Variants in MX2 observed in about 807,000 individuals in gnomAD.
MX2 encodes MX dynamin like GTPase 2.
A neutral mutation model predicts 74.0 loss-of-function variants in MX2; 51 were observed. The ratio of observed to expected loss-of-function variants is 0.69; its 90% CI spans 0.55 to 0.87. MX2 has a LOEUF of 0.87. MX2 is among the 40% of genes least tolerant of loss of function. The pLI, the probability that MX2 is intolerant of heterozygous loss-of-function variation, is 0.00. For missense variants in MX2, 832 were observed against 908.7 expected (o/e 0.92, Z 1.09); for synonymous variants, 369 against 339.3 (o/e 1.09, Z -0.96).
chr21:41,396,323 C>A (rs1174190467), intron 7 of MX2, among the ~76,000 whole-genome samples: 1 of 152,184 alleles, frequency 6.6e-6, no homozygotes, highest in East Asian at 1.9e-4. Context: ...TAATAACTGG[C>A]TTTATTAAAT....
chr21:41,365,587 T>G (rs2089258403), intron 1 of MX2: 1 of 152,232 alleles, frequency 6.6e-6, no homozygotes, highest in Non-Finnish European at 1.5e-5. Flanking sequence ...TGCATAGTAT[T>G]CCATAGTGTA....
In MX2 at chr21:41,399,356, T is replaced by C; in HGVS notation, c.1414+19T>C. The C allele has an allele frequency of 1.2e-6, 2 of 1,610,954 alleles. No homozygotes were observed. Among genetic ancestry groups the C allele is most frequent in the African/African-American group, 2.7e-5 (2 of 74,812 alleles). On this transcript the variant is annotated intron_variant, in intron 10 of 13. Coordinates refer to ENST00000330714, the MANE Select transcript of MX2 (RefSeq NM_002463.2). ...CAAAAAGGTAAGTTCTGGGCAGGGC[T>C]CCCTGCAAAACAGGGTGGTATTTAC...
At position 41,403,625 on chromosome 21, in the gene MX2, G is replaced by A. The variant is rs546041677; in HGVS notation, c.1650+282G>A. 2.0e-4 allele frequency: 137 copies of A among 673,282 alleles called. No individual in the cohort carries two copies. The Admixed American group carries it at 2.1e-3, about 10-fold the overall frequency. The allele number at this position is 673,282 out of a possible 1,614,324, so 41.7% of individuals were successfully genotyped here. On this transcript the variant is annotated intron_variant, in intron 12 of 13. Coordinates refer to ENST00000330714, the MANE Select transcript of MX2 (RefSeq NM_002463.2). The stretch of plus-strand genomic sequence containing the variant: ...CTTACGCAGGATGTGGGGCTCCACC[G>A]AGGACTGGCTGGTAGGCTGAATCTT...
intron 6 of MX2, among the ~76,000 whole-genome samples, chr21:41,394,367 C>T (rs531854601): frequency 2.2e-4 from 33 of 152,254 alleles, no homozygotes; most frequent in African/African-American, 7.7e-4. Flanking sequence ...CTCCTTCTCC[C>T]TCCCCACTAG....
chr21:41,400,695 GCCAAACA>G (rs1219040789), intron 10 of MX2, among the ~76,000 whole-genome samples: 28 of 113,358 alleles, frequency 2.5e-4, no homozygotes, highest in African/African-American at 6.9e-4. Context: ...AGGAAGAGCT[GCCAAACA>G]CTTTATTTAT....
intron 12 of MX2, among the ~76,000 whole-genome samples, chr21:41,405,309 C>T (rs2089870836): frequency 6.6e-6 from 1 of 151,968 alleles, no homozygotes; most frequent in Non-Finnish European, 1.5e-5. Context: ...ACATGACAGT[C>T]TTAGTTCAAG....
intron 6 of MX2, 77 bp downstream of exon 6, chr21:41,390,780 C>A (rs1027922612): frequency 7.3e-6 from 11 of 1,508,136 alleles, no homozygotes; most frequent in Non-Finnish European, 9.1e-6. Flanking sequence ...CCAAGACGGG[C>A]GGATCACGAG....
At chr21:41,399,165 G>A (rs370472968) in intron 9 of MX2, 31 bp from the exon 10 acceptor site, 112 of 1,608,978 alleles carry the variant, frequency 7.0e-5, no homozygotes, top group Non-Finnish European at 8.5e-5. Context: ...TATGATTTCC[G>A]CAAAGACTAT....
In MX2 at chr21:41,402,167, C is replaced by T. The variant is rs747218470; in HGVS notation, c.1573+39C>T. ...AGCAGGACTCCCAAACCATCACTCT[C>T]ATACCTTCCATAGACCCCAGTGCCT... On this transcript the variant is annotated intron_variant, in intron 11 of 13. Coordinates refer to ENST00000330714, the MANE Select transcript of MX2 (RefSeq NM_002463.2). This position sits in a 1 kb window ranked among gnomAD's most constrained non-coding sequence, Gnocchi z 4.5. 1 of 1,586,706 alleles carries T rather than the reference C, an allele frequency of 6.3e-7. No individual in the cohort carries two copies. The highest frequency in any genetic ancestry group is 8.6e-7 in the Non-Finnish European group (1 of 1,167,136).
chr21:41,378,888 C>T (rs1017037211), intron 3 of MX2, among the ~76,000 whole-genome samples: 1 of 152,194 alleles, frequency 6.6e-6, no homozygotes, highest in Non-Finnish European at 1.5e-5. Context: ...TGGCTCCCCT[C>T]TCCTGCCACT....
At chr21:41,387,539 C>A (rs2089596552) in intron 5 of MX2, among the ~76,000 whole-genome samples, 1 of 152,144 alleles carries the variant, frequency 6.6e-6, no homozygotes, top group African/African-American at 2.4e-5. Flanking sequence ...CTGGTTCTTT[C>A]TCTCCCTCCT....
chr21:41,372,440 A>G (rs1370088630), intron 1 of MX2, among the ~76,000 whole-genome samples: 1 of 152,232 alleles, frequency 6.6e-6, no homozygotes, highest in Non-Finnish European at 1.5e-5. Flanking sequence ...TTATGAGTCA[A>G]TTATAAATGG....
chr21:41,395,637 A>G lies in MX2; in HGVS notation c.922A>G (p.Met308Val), dbSNP rs758923695. 18 of 1,614,104 alleles carry G rather than the reference A, an allele frequency of 1.1e-5. No homozygotes were observed. The Admixed American group carries it at 3.0e-4, about 27-fold the overall frequency. Residue 308 changes from methionine (M) to valine (V), a missense_variant, in exon 7 of 14, where the codon ATG becomes GTG. Coordinates refer to ENST00000330714, the MANE Select transcript of MX2 (RefSeq NM_002463.2). The part of the protein sequence containing the change: ...LMDRGTEKSV[M>V]NVVRNLTYPL... ...GGACAGGGGCACTGAGAAAAGCGTC[A>G]TGAATGTGGTGCGGAACCTCACGTA...
At chr21:41,407,961 C>G in intron 13 of MX2, 30 bp from the exon 14 acceptor site, 8 of 1,613,032 alleles carry the variant, frequency 5.0e-6, no homozygotes, top group South Asian at 1.1e-5. Context: ...TGAGACCACT[C>G]CAGCAAACCC....
rs144498616 is a variant in MX2, at chr21:41,388,451, G to A, written c.733-2114G>A. Among the ~76,000 whole-genome samples the A allele has an allele frequency of 7.7e-3, 1,174 of 152,280 alleles. 19 individuals are homozygous for A. Among genetic ancestry groups the A allele is most frequent in the African/African-American group, 0.026 (1,091 of 41,558 alleles). Reference sequence around the variant, plus strand: ...AGAGGGCATCCTTCATTCCTCGCGGGTTTCTGCTGCAAGGCTGCCCTACCT... The same window carrying A: ...AGAGGGCATCCTTCATTCCTCGCGGATTTCTGCTGCAAGGCTGCCCTACCT... On this transcript the variant is annotated intron_variant, in intron 5 of 13. Coordinates refer to ENST00000330714, the MANE Select transcript of MX2 (RefSeq NM_002463.2). This position sits in a 1 kb window ranked among gnomAD's most constrained non-coding sequence, Gnocchi z 4.0.
In MX2 at chr21:41,402,537, G is replaced by A; in HGVS notation, c.1573+409G>A. Reference sequence around the variant, plus strand: ...CAGCCGCGTAAGGCAGCGGTCCCCAGTCTTTATGGCACCAGAGACTGCTTT... The same window carrying A: ...CAGCCGCGTAAGGCAGCGGTCCCCAATCTTTATGGCACCAGAGACTGCTTT... On this transcript the variant is annotated intron_variant, in intron 11 of 13. Transcript: ENST00000330714. The surrounding 1 kb of genome is among the most constrained non-coding windows in gnomAD (Gnocchi z 4.5). 5.6e-6 allele frequency: 1 copy of A among 177,232 alleles called. No homozygotes were observed. Among genetic ancestry groups the A allele is most frequent in the Non-Finnish European group, 1.2e-5 (1 of 83,926 alleles). 11.0% of individuals were successfully genotyped at this position (177,232 alleles called of 1,614,324 possible).
chr21:41,377,243 C>A (rs2089418351), intron 2 of MX2, 88 bp downstream of exon 2: 21 of 1,542,868 alleles, frequency 1.4e-5, no homozygotes, highest in Non-Finnish European at 1.8e-5. Context: ...AATAATAGAA[C>A]CAGCCAGTCT....
intron 1 of MX2, among the ~76,000 whole-genome samples, chr21:41,367,664 C>G (rs2089279729): frequency 6.6e-6 from 1 of 152,192 alleles, no homozygotes; most frequent in South Asian, 2.1e-4. Context: ...GCTTCTTAGT[C>G]TTCAGACTCC....
chr21:41,384,138 C>T (rs1441149279), intron 5 of MX2, among the ~76,000 whole-genome samples: 1 of 152,198 alleles, frequency 6.6e-6, no homozygotes, highest in East Asian at 1.9e-4. Context: ...AAGGTGCCTG[C>T]ACCCCCTTGG....
Sources: gnomAD v4.1 joint callset for allele counts (sites outside exome capture counted in the v4.1 genomes callset) on GRCh38, gnomAD v4.1.1 for gene constraint, Gnocchi (gnomAD v3.1) non-coding constraint, MANE v1.5 for transcripts, NCBI Gene and HGNC (gene_info 2026-07-23, HGNC 2026-07-21) for gene names.